Variants in TATDN2 observed in about 807,000 individuals in gnomAD.
TATDN2 encodes TatD DNase domain containing 2, also known as 3'-5' RNA nuclease TATDN2.
In TATDN2, 44 loss-of-function variants were observed where a neutral mutation model predicts 60.3. That is an observed-to-expected ratio of 0.73 (90% CI 0.57 to 0.94). TATDN2 has a LOEUF of 0.94. TATDN2 is among the 40% of genes least tolerant of loss of function. The pLI is 0.00. For missense variants in TATDN2, 997 were observed against 948.0 expected, an observed-to-expected ratio of 1.05 and a Z score of -0.68; for synonymous variants, 399 against 355.8, an observed-to-expected ratio of 1.12 and a Z score of -1.37.
At chr3:10,250,671 A>G (rs183840667) in intron 2 of TATDN2, among the ~76,000 whole-genome samples, 249 of 152,304 alleles carry the variant, frequency 1.6e-3, no homozygotes, top group African/African-American at 5.5e-3. Flanking sequence ...GGTTTTTTCA[A>G]TGTGGACCTC....
chr3:10,278,518 G>A lies in TATDN2; in HGVS notation c.2145+56G>A, dbSNP rs1698671415. ...CCGGAGGGAGAGGGTGGGGAGGTGGGTGGTCACCCTTACAAGGTTGGCAGG... is the reference window on the plus strand; with the variant it reads ...CCGGAGGGAGAGGGTGGGGAGGTGGATGGTCACCCTTACAAGGTTGGCAGG... On this transcript the variant is annotated intron_variant, in intron 6 of 7. Coordinates refer to ENST00000448281, the MANE Select transcript of TATDN2 (RefSeq NM_014760.4). The surrounding 1 kb of genome is among the most constrained non-coding windows in gnomAD (Gnocchi z 4.7). 6.3e-7 allele frequency: 1 copy of A among 1,594,140 alleles called. No individual in the cohort carries two copies. The highest frequency in any genetic ancestry group is 1.3e-5 in the African/African-American group (1 of 74,514).
chr3:10,252,264 C>T (rs898242734), intron 2 of TATDN2, among the ~76,000 whole-genome samples: 11 of 150,206 alleles, frequency 7.3e-5, no homozygotes, highest in African/African-American at 7.4e-5. Flanking sequence ...CCTCCCAAAG[C>T]GCTGGGATTA....
rs1698726401 is a variant in TATDN2, at chr3:10,280,853, A to ACT, written c.*1672_*1673dup. 6.5e-6 allele frequency: 1 copy of ACT among 153,654 alleles called. No homozygotes were observed. Among genetic ancestry groups the ACT allele is most frequent in the East Asian group, 1.9e-4 (1 of 5,178 alleles). 9.5% of individuals were successfully genotyped at this position (153,654 alleles called of 1,614,324 possible). A position where few individuals can be genotyped will look rare whatever the true frequency, so the allele number is the denominator to read the frequency against. Reference sequence around the variant, plus strand: ...CAAAGTGTTTATAGTCACCAAGTGAACTGCAGCACAACCATCTCCTCTCCA... The same window carrying ACT: ...CAAAGTGTTTATAGTCACCAAGTGAACTCTGCAGCACAACCATCTCCTCTCCA... On this transcript the variant is annotated 3_prime_UTR_variant, in exon 8 of 8. Transcript: ENST00000448281.
intron 2 of TATDN2, among the ~76,000 whole-genome samples, chr3:10,251,855 A>ATTT (rs111556258): frequency 6.7e-6 from 1 of 148,826 alleles, no homozygotes. Context: ...CAGATTAAAA[A>ATTT]TTTTTTTTTT....
In TATDN2 at chr3:10,248,843, T is replaced by A. The variant is rs1576000347; in HGVS notation, c.-231T>A. ...GAAGCGCTTGACAGTTCTAAAGGGC[T>A]TTATATTGCAAACTGATCAAAGCGC... On this transcript the variant is annotated 5_prime_UTR_variant, in exon 1 of 8. Transcript: ENST00000448281. 1 of 232,608 alleles carries A rather than the reference T, an allele frequency of 4.3e-6. No homozygotes were observed. Among genetic ancestry groups the A allele is most frequent in the Non-Finnish European group, 8.3e-6 (1 of 121,196 alleles). 14.4% of individuals were successfully genotyped at this position (232,608 alleles called of 1,614,324 possible). A position where few individuals can be genotyped will look rare whatever the true frequency, so the allele number is the denominator to read the frequency against.
chr3:10,269,985 G>T, intron 3 of TATDN2, 146 bp from the exon 4 acceptor site: 1 of 1,028,252 alleles, frequency 9.7e-7, no homozygotes, highest in Non-Finnish European at 1.4e-6. Flanking sequence ...AAGGAAACCA[G>T]GTGACAGGGT....
At chr3:10,262,981 A>G (rs1243075286) in intron 3 of TATDN2, among the ~76,000 whole-genome samples, 9 of 151,156 alleles carry the variant, frequency 6.0e-5, no homozygotes, top group South Asian at 2.1e-4. Context: ...GCTCACTGCA[A>G]TCTTCACCTC....
intron 3 of TATDN2, among the ~76,000 whole-genome samples, chr3:10,264,578 C>T (rs1421227189): frequency 6.6e-6 from 1 of 151,882 alleles, no homozygotes; most frequent in Non-Finnish European, 1.5e-5. Context: ...TTTTCTGGAC[C>T]ATCTATTTTA....
Position 10,249,513 on chromosome 3 carries a change from A to G in TATDN2, c.313A>G (p.Asn105Asp). The G allele has an allele frequency of 6.2e-7, 1 of 1,609,364 alleles. No individual in the cohort carries two copies. The highest frequency in any genetic ancestry group is 8.5e-7 in the Non-Finnish European group (1 of 1,177,742). ...CGCCTCCAAAGGCTGCCTGATTCGG[A>G]ACACTCGGGGGTTCCTGTCTTCAGG... ...GAASKGCLIR[N>D]TRGFLSSGGS... The change falls in exon 2 of 8, where the codon AAC (asparagine) becomes GAC (aspartate). Residue 105 changes from asparagine to aspartate, a missense_variant. Asn to Asp is a conservative substitution (Grantham distance 23). Coordinates refer to ENST00000448281, the MANE Select transcript of TATDN2 (RefSeq NM_014760.4).
At chr3:10,275,491 T>G (rs1477974440) in intron 4 of TATDN2, among the ~76,000 whole-genome samples, 1 of 152,116 alleles carries the variant, frequency 6.6e-6, no homozygotes, top group Non-Finnish European at 1.5e-5. Context: ...CTCATGCCTG[T>G]AATCCCAGCA....
In TATDN2 at chr3:10,279,032, A is replaced by ACTGTACAG; in HGVS notation, c.*7_*8insCTGTACAG. ...TCGCCTCTACAGTCTTTAAGCAGAG[A>ACTGTACAG]AGGTACAGTCCTCGGGAGTCTCCTA... is the stretch of plus-strand genomic sequence containing the variant. On this transcript the variant is annotated 3_prime_UTR_variant, in exon 7 of 8. Transcript: ENST00000448281. 6.2e-7 allele frequency: 1 copy of ACTGTACAG among 1,613,992 alleles called. No individual in the cohort carries two copies. Among genetic ancestry groups the ACTGTACAG allele is most frequent in the Non-Finnish European group, 8.5e-7 (1 of 1,179,942 alleles).
chr3:10,260,343 C>A lies in TATDN2; in HGVS notation c.621C>A (p.Ala207=). The A allele has an allele frequency of 1.2e-6, 2 of 1,614,180 alleles. No homozygotes were observed. The change falls in exon 3 of 8, where the codon GCC becomes GCA. Residue 207 remains alanine, a synonymous_variant. Transcript: ENST00000448281. ...KSMPKRKGEA[A]TRAKPSAAEH... ...TGCCAAAAAGGAAGGGAGAGGCTGC[C>A]ACTCGGGCAAAACCAAGCGCAGCAG...
In TATDN2 at chr3:10,280,144, G is replaced by C. The variant is rs910994530; in HGVS notation, c.*962G>C. The stretch of plus-strand genomic sequence containing the variant: ...GTGTACCCCGCCCAGGTTGAGAGGT[G>C]AATCAGCGTAATTCTCCGAAGCTCT... On this transcript the variant is annotated 3_prime_UTR_variant, in exon 8 of 8. Coordinates refer to ENST00000448281, the MANE Select transcript of TATDN2 (RefSeq NM_014760.4). 1 of 153,802 alleles carries C rather than the reference G, an allele frequency of 6.5e-6. No homozygotes were observed. The highest frequency in any genetic ancestry group is 2.4e-5 in the African/African-American group (1 of 41,450). The allele number at this position is 153,802 out of a possible 1,614,324, so 9.5% of individuals were successfully genotyped here.
At chr3:10,263,978 G>A (rs1252169045) in intron 3 of TATDN2, among the ~76,000 whole-genome samples, 1 of 152,184 alleles carries the variant, frequency 6.6e-6, no homozygotes, top group East Asian at 1.9e-4. Context: ...AAGGTGGCTG[G>A]GAGCTGGGTA....
chr3:10,276,286 GACT>G, intron 4 of TATDN2, 72 bp from the exon 5 acceptor site: 1 of 1,566,940 alleles, frequency 6.4e-7, no homozygotes, highest in East Asian at 2.3e-5. Context: ...GTGCCTGCTG[GACT>G]GGGCGTTCCA....
rs368345107 is a variant in TATDN2, at chr3:10,260,534, A to G, written c.812A>G (p.Tyr271Cys). 9 of 1,614,048 alleles carry G rather than the reference A, an allele frequency of 5.6e-6. No individual in the cohort carries two copies. Among genetic ancestry groups the G allele is most frequent in the African/African-American group, 1.3e-5 (1 of 74,918 alleles). ...DKTVPERSSFYDRRVVIDPQE... is the reference protein window; with the variant it reads ...DKTVPERSSFCDRRVVIDPQE... ...ACAGTGCCAGAGAGGAGCAGCTTCTATGACAGGAGAGTAGTTATAGACCCT... is the reference window on the plus strand; with the variant it reads ...ACAGTGCCAGAGAGGAGCAGCTTCTGTGACAGGAGAGTAGTTATAGACCCT... Residue 271 changes from tyrosine to cysteine, a missense_variant, in exon 3 of 8, where the codon TAT (tyrosine) becomes TGT (cysteine). Tyr to Cys is a radical substitution (Grantham distance 194, BLOSUM62 -2). Transcript: ENST00000448281.
intron 3 of TATDN2, among the ~76,000 whole-genome samples, chr3:10,261,487 C>T (rs1326064537): frequency 6.6e-6 from 1 of 151,956 alleles, no homozygotes; most frequent in African/African-American, 2.4e-5. Context: ...TCTCCTGCCT[C>T]AGCCTCCTGA....
chr3:10,260,557 C>T lies in TATDN2; in HGVS notation c.835C>T (p.Pro279Ser), dbSNP rs372933124. The T allele has an allele frequency of 1.2e-6, 2 of 1,614,126 alleles. No individual in the cohort carries two copies. Among genetic ancestry groups the T allele is most frequent in the East Asian group, 2.2e-5 (1 of 44,884 alleles). ...CTATGACAGGAGAGTAGTTATAGAC[C>T]CTCAAGAGAAACCCAGTGAGGAGCC... ...SFYDRRVVID[P>S]QEKPSEEPLG... Residue 279 changes from proline (P) to serine (S), a missense_variant, in exon 3 of 8, where the codon CCT (proline) becomes TCT (serine). Coordinates refer to ENST00000448281, the MANE Select transcript of TATDN2 (RefSeq NM_014760.4).
At chr3:10,255,308 C>G (rs936580244) in intron 2 of TATDN2, among the ~76,000 whole-genome samples, 3 of 151,962 alleles carry the variant, frequency 2.0e-5, no homozygotes, top group Non-Finnish European at 4.4e-5. Context: ...GCCACCATGC[C>G]CAGCCAACAG....
Sources: allele counts gnomAD v4.1 joint callset (sites outside exome capture counted in the v4.1 genomes callset), GRCh38; gene constraint gnomAD v4.1.1; non-coding constraint Gnocchi (gnomAD v3.1); transcripts MANE v1.5; gene names NCBI Gene and HGNC (gene_info 2026-07-23, HGNC 2026-07-21).